Variants in POLR1C observed in about 807,000 individuals in gnomAD.
POLR1C encodes the protein RNA polymerase I and III subunit C.
Under a neutral mutation model 38.3 loss-of-function variants are expected in POLR1C, and 42 were observed. The ratio of observed to expected loss-of-function variants is 1.10; its 90% CI spans 0.86 to 1.42. POLR1C has a LOEUF of 1.42. POLR1C is among the 40% of genes most tolerant of loss of function. The probability of loss-of-function intolerance (pLI) is 0.00; values close to 1 mark genes in which losing one functional copy is unlikely to be tolerated. For synonymous variants in POLR1C, 163 were observed against 163.9 expected, an observed-to-expected ratio of 0.99 and a Z score of 0.04; for missense variants, 507 against 450.5, an observed-to-expected ratio of 1.13 and a Z score of -1.14.
exon 9 of POLR1C, chr6:43,529,311 G>A (rs1286364880): frequency 1.4e-5 from 13 of 937,474 alleles, no homozygotes; most frequent in Non-Finnish European, 1.9e-5. Context: ...GGGAGGCCAA[G>A]GCGAGTGGAT....
chr6:43,521,816 A>T (rs952785713), downstream of POLR1C, among the ~76,000 whole-genome samples: 4 of 152,192 alleles, frequency 2.6e-5, no homozygotes, highest in African/African-American at 7.2e-5. Flanking sequence ...TACAGGTGTG[A>T]GCCACCGCGA....
intron 10 of POLR1C, among the ~76,000 whole-genome samples, chr6:43,559,746 G>A (rs979355342): frequency 2.0e-5 from 3 of 152,172 alleles, no homozygotes; most frequent in African/African-American, 7.2e-5. Flanking sequence ...TTCTTCCTAA[G>A]GAATAAGAAA....
At chr6:43,527,412 C>T (rs1793665482) in intron 8 of POLR1C, 1 of 412,924 alleles carries the variant, frequency 2.4e-6, no homozygotes, top group Non-Finnish European at 4.4e-6. Flanking sequence ...GCTGGGACTA[C>T]AGGCCTGCGC....
intron 9 of POLR1C, among the ~76,000 whole-genome samples, chr6:43,538,137 ATC>A (rs1208959975): frequency 9.5e-6 from 1 of 105,634 alleles, no homozygotes; most frequent in African/African-American, 4.4e-5. Context: ...CCTAAGAGAC[ATC>A]TTTTTTTTTT....
Position 43,521,282 on chromosome 6 carries a change from T to C in POLR1C, c.1023T>C (p.Asp341=). The C allele has an allele frequency of 1.2e-6, 2 of 1,612,422 alleles. No homozygotes were observed. Among genetic ancestry groups the C allele is most frequent in the Non-Finnish European group, 1.7e-6 (2 of 1,179,980 alleles). The part of the protein sequence containing the change: ...GKCRRFLDEL[D]AVQMD The stretch of plus-strand genomic sequence containing the variant: ...GCCGGCGCTTCTTGGATGAACTAGA[T>C]GCGGTTCAGATGGACTGAGCTTGGA... Residue 341 remains aspartate (D), a synonymous_variant, in exon 9 of 9, where the codon GAT becomes GAC. Coordinates refer to ENST00000642195, the MANE Select transcript of POLR1C (RefSeq NM_203290.4).
downstream of POLR1C, chr6:43,524,651 A>G (rs1168421143): frequency 6.2e-7 from 1 of 1,611,768 alleles, no homozygotes; most frequent in African/African-American, 1.3e-5. Flanking sequence ...ATCAGCAGGG[A>G]TAAACTTACT....
chr6:43,525,107 T>C (rs1361426414), downstream of POLR1C: 1 of 1,572,660 alleles, frequency 6.4e-7, no homozygotes. Flanking sequence ...ATAACCATAC[T>C]TGTTTGAGGA....
downstream of POLR1C, chr6:43,526,143 C>A: frequency 3.7e-6 from 2 of 533,984 alleles, no homozygotes; most frequent in East Asian, 3.1e-5. Flanking sequence ...AGCTTCTAGG[C>A]AGAAACACAA....
chr6:43,542,186 A>T (rs1360141733), intron 9 of POLR1C, among the ~76,000 whole-genome samples: 1 of 151,982 alleles, frequency 6.6e-6, no homozygotes, highest in African/African-American at 2.4e-5. Flanking sequence ...GGAGCTTTCC[A>T]GAGAAAACTG....
At chr6:43,557,666 A>G (rs1261723021) in intron 10 of POLR1C, among the ~76,000 whole-genome samples, 3 of 151,926 alleles carry the variant, frequency 2.0e-5, no homozygotes, top group African/African-American at 7.3e-5. Context: ...TGAAAATATA[A>G]TCTAAAATTG....
intron 8 of POLR1C, among the ~76,000 whole-genome samples, chr6:43,527,967 T>C (rs976476678): frequency 3.3e-5 from 5 of 152,232 alleles, no homozygotes; most frequent in Non-Finnish European, 5.9e-5. Flanking sequence ...GTAGCCCCTA[T>C]GAAGGCTGGA....
rs1793745213 is a variant in POLR1C at position 43,528,572 on chromosome 6, T to C, written c.923-677T>C. Among the ~76,000 whole-genome samples, 1 of 152,156 alleles carries C rather than the reference T, an allele frequency of 6.6e-6. No homozygotes were observed. Among genetic ancestry groups the C allele is most frequent in the Non-Finnish European group, 1.5e-5 (1 of 68,026 alleles). On this transcript the variant is annotated intron_variant, in intron 8 of 8. Transcript: ENST00000304004. ...GGGTCTGTGAGCAAGCATTCCTCTT[T>C]TTACCTCTCCTCAGTTAACAGGAGG...
At chr6:43,527,795 G>C (rs1305529402) in intron 8 of POLR1C, 4 of 1,561,524 alleles carry the variant, frequency 2.6e-6, no homozygotes, top group Middle Eastern at 1.7e-4. Flanking sequence ...GGAAAGCAGC[G>C]ACCCTAATCA....
intron 8 of POLR1C, chr6:43,529,167 G>C: frequency 6.8e-7 from 1 of 1,471,178 alleles, no homozygotes; most frequent in Non-Finnish European, 9.2e-7. Flanking sequence ...ATGGTCACTG[G>C]CCCAAAAAGT....
downstream of POLR1C, chr6:43,530,698 T>C: frequency 6.2e-7 from 1 of 1,613,946 alleles, no homozygotes; most frequent in Middle Eastern, 1.6e-4. Flanking sequence ...GAAGCATGGG[T>C]CTGAGTCGGT....
At chr6:43,541,545 A>T (rs1020637967) in intron 9 of POLR1C, among the ~76,000 whole-genome samples, 1 of 152,214 alleles carries the variant, frequency 6.6e-6, no homozygotes, top group African/African-American at 2.4e-5. Context: ...ATGGCCCCCA[A>T]AATAACTGCC....
At chr6:43,519,913 A>G in intron 4 of POLR1C, 75 bp downstream of exon 4, 1 of 1,558,170 alleles carries the variant, frequency 6.4e-7, no homozygotes, top group Non-Finnish European at 8.7e-7. Flanking sequence ...TGGGTAAGTT[A>G]CTTATCTTTG....
chr6:43,531,852 ATTTT>A (rs1294210569), downstream of POLR1C, among the ~76,000 whole-genome samples: 1 of 152,016 alleles, frequency 6.6e-6, no homozygotes, highest in Non-Finnish European at 1.5e-5. Flanking sequence ...ACTCAAAAGT[ATTTT>A]TCCATAAAGC....
chr6:43,545,901 A>G (rs578172981), intron 9 of POLR1C, among the ~76,000 whole-genome samples: 10 of 152,284 alleles, frequency 6.6e-5, no homozygotes, highest in African/African-American at 2.4e-4. Context: ...CATGTGATCT[A>G]AAACAGTGAT....
Sources: allele counts gnomAD v4.1 joint callset (sites outside exome capture counted in the v4.1 genomes callset), GRCh38; gene constraint gnomAD v4.1.1; transcripts MANE v1.5; gene names NCBI Gene and HGNC (gene_info 2026-07-23, HGNC 2026-07-21).